SPATA22: variants seen among roughly 807,000 people sequenced by gnomAD.
SPATA22 encodes spermatogenesis-associated protein 22.
In SPATA22, 29 loss-of-function variants were observed where a neutral mutation model predicts 47.8. That is an observed-to-expected ratio of 0.61 (90% CI 0.45 to 0.83). The LOEUF (loss-of-function observed/expected upper bound fraction) is 0.83. Among genes scored for constraint, SPATA22 ranks in the 40% least tolerant of loss-of-function variants. SPATA22 has a pLI of 0.00. For synonymous variants in SPATA22, 133 were observed against 140.9 expected, an observed-to-expected ratio of 0.94 and a Z score of 0.40; for missense variants, 410 against 421.7, an observed-to-expected ratio of 0.97 and a Z score of 0.24.
intron 1 of SPATA22, among the ~76,000 whole-genome samples, chr17:3,505,968 G>T (rs2074037458): frequency 6.6e-6 from 1 of 152,088 alleles, no homozygotes; most frequent in South Asian, 2.1e-4. Flanking sequence ...ATATTGGTCA[G>T]GCTGGTCTCG....
At chr17:3,442,381 T>C (rs1233226860) in intron 8 of SPATA22, among the ~76,000 whole-genome samples, 1 of 151,982 alleles carries the variant, frequency 6.6e-6, no homozygotes, top group African/African-American at 2.4e-5. Context: ...GTCATAAAAC[T>C]AGAAAATGTT....
intron 1 of SPATA22, among the ~76,000 whole-genome samples, chr17:3,480,044 G>A (rs1185119621): frequency 1.4e-5 from 1 of 70,794 alleles, no homozygotes. Context: ...TTTTGGAGAG[G>A]TTAGACTCTG....
chr17:3,496,894 A>G (rs560065044), intron 1 of SPATA22, among the ~76,000 whole-genome samples: 44 of 152,102 alleles, frequency 2.9e-4, no homozygotes, highest in African/African-American at 9.4e-4. Flanking sequence ...GTGAAACCCC[A>G]TCTCTACCAA....
chr17:3,490,828 G>A lies in SPATA22; in HGVS notation c.-73-21430C>T, dbSNP rs774152155. On this transcript the variant is annotated intron_variant, in intron 1 of 8. Coordinates refer to the SPATA22 transcript ENST00000541913. This position sits in a 1 kb window ranked among gnomAD's most constrained non-coding sequence, Gnocchi z 4.6. ...ATAGTCCATAGAATCCTATCACAAC[G>A]GTGGAGAAAAGCAGTTCCTGGAACA... is the stretch of plus-strand genomic sequence containing the variant. Among the ~76,000 whole-genome samples, 14 of 152,106 alleles carry A rather than the reference G, an allele frequency of 9.2e-5. No homozygotes were observed. The highest frequency in any genetic ancestry group is 1.5e-4 in the Non-Finnish European group (10 of 68,016).
chr17:3,465,099 C>G (rs1416146075), intron 3 of SPATA22, among the ~76,000 whole-genome samples: 2 of 117,088 alleles, frequency 1.7e-5, no homozygotes, highest in East Asian at 5.0e-4. Flanking sequence ...GCAGCCACCC[C>G]GTCTGGGAAG....
intron 1 of SPATA22, among the ~76,000 whole-genome samples, chr17:3,496,186 A>T (rs925291411): frequency 6.6e-6 from 1 of 152,222 alleles, no homozygotes; most frequent in Non-Finnish European, 1.5e-5. Flanking sequence ...TAATTCTGCC[A>T]ACAAATATTT....
intron 1 of SPATA22, among the ~76,000 whole-genome samples, chr17:3,492,826 A>G (rs1449570855): frequency 6.6e-6 from 1 of 152,152 alleles, no homozygotes; most frequent in Non-Finnish European, 1.5e-5. Flanking sequence ...TCAGCTTACC[A>G]CAAAGGCAGG....
intron 5 of SPATA22, 39 bp downstream of exon 5, chr17:3,462,444 G>C (rs202168434): frequency 5.1e-6 from 7 of 1,367,610 alleles, no homozygotes; most frequent in Non-Finnish European, 7.1e-6. Flanking sequence ...AGGAAAATGA[G>C]AAGGAATAGA....
At position 3,471,670 on chromosome 17, in the gene SPATA22, G is replaced by A. The variant is rs146343382; in HGVS notation, c.-74+12C>T. The A allele has an allele frequency of 4.4e-5, 43 of 981,922 alleles. No individual in the cohort carries two copies. The African/African-American group carries it at 7.6e-4, about 17-fold the overall frequency. The allele number at this position is 981,922 out of a possible 1,614,324, so 60.8% of individuals were successfully genotyped here. A position where few individuals can be genotyped will look rare whatever the true frequency, so the allele number is the denominator to read the frequency against. ...CCGCCCACGGAGTGGGGGCAGTTTG[G>A]TATCAACGCACAGTCTTTCCCTTCT... On this transcript the variant is annotated intron_variant, in intron 1 of 8. Transcript: ENST00000572969.
intron 1 of SPATA22, chr17:3,511,968 C>A (rs1018943613): frequency 6.6e-6 from 1 of 152,164 alleles, no homozygotes; most frequent in Non-Finnish European, 1.5e-5. Flanking sequence ...AGGCTTAATG[C>A]GGGTAGCTAA....
In SPATA22 at chr17:3,465,264, C is replaced by G. The variant is rs576136027; in HGVS notation, c.172+2162G>C. ...GGAGCCCCTCTGCCCGGCCACCACC[C>G]CGTCTGGGAGGTGTGCCCAACAGCT... On this transcript the variant is annotated intron_variant, in intron 3 of 8. Coordinates refer to ENST00000572969, the MANE Select transcript of SPATA22 (RefSeq NM_001170698.2). Among the ~76,000 whole-genome samples, 127 of 150,256 alleles carry G rather than the reference C, an allele frequency of 8.5e-4. 6 individuals carry two copies. Among genetic ancestry groups the G allele is most frequent in the African/African-American group, 2.4e-3 (99 of 40,910 alleles).
intron 1 of SPATA22, chr17:3,511,493 AAGGAAG>A (rs1312026309): frequency 4.6e-5 from 7 of 152,198 alleles, no homozygotes; most frequent in Non-Finnish European, 4.4e-5. Context: ...GCGTAAAATG[AAGGAAG>A]TGCTCCTTTT....
chr17:3,489,609 A>C (rs1238894326), intron 1 of SPATA22, among the ~76,000 whole-genome samples: 1 of 152,254 alleles, frequency 6.6e-6, no homozygotes, highest in African/African-American at 2.4e-5. Flanking sequence ...ACATATGAAA[A>C]GATGTTCAAC....
At chr17:3,505,692 C>T (rs141344010) in intron 1 of SPATA22, among the ~76,000 whole-genome samples, 563 of 151,818 alleles carry the variant, frequency 3.7e-3, no homozygotes, top group African/African-American at 8.6e-3. Flanking sequence ...TTTGCATATC[C>T]GACAAAAACA....
intron 1 of SPATA22, among the ~76,000 whole-genome samples, chr17:3,509,278 G>A (rs965608909): frequency 2.0e-5 from 3 of 151,660 alleles, no homozygotes; most frequent in Non-Finnish European, 4.4e-5. Context: ...ATGGTGCTTT[G>A]CTGCACCTAT....
At position 3,446,952 on chromosome 17, in the gene SPATA22, G is replaced by C. The variant is rs537362352; in HGVS notation, c.673-351C>G. Among the ~76,000 whole-genome samples the C allele has an allele frequency of 6.6e-4, 101 of 152,212 alleles. 1 individual carries two copies. The highest frequency in any genetic ancestry group is 2.4e-3 in the African/African-American group (98 of 41,542). Reference sequence around the variant, plus strand: ...TCACACTCTAGGGGACTCTAGGGAAGGAGCCAGACACATTCATTCATTCAT... The same window carrying C: ...TCACACTCTAGGGGACTCTAGGGAACGAGCCAGACACATTCATTCATTCAT... On this transcript the variant is annotated intron_variant, in intron 6 of 8. Transcript: ENST00000572969.
chr17:3,446,707 G>A, intron 6 of SPATA22, 106 bp from the exon 7 acceptor site: 1 of 920,366 alleles, frequency 1.1e-6, no homozygotes, highest in Non-Finnish European at 1.6e-6. Context: ...GGACAAGTGT[G>A]TAAAAAGAAC....
At chr17:3,470,525 G>A (rs1049552527) in intron 1 of SPATA22, among the ~76,000 whole-genome samples, 1 of 152,002 alleles carries the variant, frequency 6.6e-6, no homozygotes, top group Non-Finnish European at 1.5e-5. Flanking sequence ...CGAGACGGGC[G>A]GATCACGAGA....
intron 3 of SPATA22, among the ~76,000 whole-genome samples, chr17:3,464,206 T>C (rs1416926996): frequency 6.6e-6 from 1 of 152,028 alleles, no homozygotes; most frequent in Non-Finnish European, 1.5e-5. Context: ...GGTCTCCAGC[T>C]CCTAACCGCG....
Sources: gnomAD v4.1 joint callset for allele counts (sites outside exome capture counted in the v4.1 genomes callset) on GRCh38, gnomAD v4.1.1 for gene constraint, Gnocchi (gnomAD v3.1) non-coding constraint, MANE v1.5 for transcripts, NCBI Gene and HGNC (gene_info 2026-07-23, HGNC 2026-07-21) for gene names.